The following PAEP variants were observed in gnomAD, a reference collection of about 807,000 sequenced individuals.
PAEP encodes the protein glycodelin.
PAEP carries 28 observed loss-of-function variants against 23.0 expected under a neutral mutation model. The observed-to-expected ratio is 1.22, with a 90% CI of 0.90 to 1.67. PAEP has a LOEUF of 1.67. Ranked by LOEUF, PAEP falls within the 40% of genes most tolerant of loss-of-function variation. The probability of loss-of-function intolerance (pLI) is 0.00; values close to 1 mark genes in which losing one functional copy is unlikely to be tolerated. For synonymous variants in PAEP, 103 were observed against 92.4 expected, an observed-to-expected ratio of 1.12 and a Z score of -0.66; for missense variants, 209 against 226.4, an observed-to-expected ratio of 0.92 and a Z score of 0.49.
intron 3 of PAEP, 107 bp from the exon 4 acceptor site, chr9:135,564,137 A>G (rs1402465951): frequency 1.4e-6 from 2 of 1,467,552 alleles, no homozygotes; most frequent in Admixed American, 4.2e-5. Context: ...CCATGGTGTC[A>G]GTGGATGAGG....
At chr9:135,561,932 G>T in intron 1 of PAEP, 35 bp downstream of exon 1, 25 of 1,413,250 alleles carry the variant, frequency 1.8e-5, no homozygotes, top group Non-Finnish European at 2.3e-5. Flanking sequence ...TTTACTGTGG[G>T]AGGCCTGGGG....
chr9:135,562,093 A>G (rs1832324556), intron 1 of PAEP, among the ~76,000 whole-genome samples, 196 bp downstream of exon 1: 1 of 152,132 alleles, frequency 6.6e-6, no homozygotes, highest in Non-Finnish European at 1.5e-5. Context: ...GTGACTCATT[A>G]TTTGGACTTT....
intron 3 of PAEP, among the ~76,000 whole-genome samples, chr9:135,563,286 G>A (rs1218431706): frequency 1.3e-5 from 2 of 151,664 alleles, no homozygotes; most frequent in Non-Finnish European, 2.9e-5. Flanking sequence ...AGGTGAACAG[G>A]TGGGTAGGTG....
rs199763575 is a variant in PAEP at position 135,564,404 on chromosome 9, G to T, written c.421+50G>T. 1.6e-4 allele frequency: 254 copies of T among 1,543,330 alleles called. 1 individual carries two copies. The East Asian group carries it at 3.4e-3, about 21-fold the overall frequency. The stretch of plus-strand genomic sequence containing the variant: ...AACGTGGGTGAGAGGCAGCAGCTAC[G>T]TCCGTGGCTGGGAACCCTGGGGAGC... On this transcript the variant is annotated intron_variant, in intron 4 of 6. Transcript: ENST00000479141.
intron 2 of PAEP, 109 bp from the exon 3 acceptor site, chr9:135,562,711 C>T (rs1416494444): frequency 1.8e-5 from 17 of 947,416 alleles, no homozygotes; most frequent in Middle Eastern, 2.2e-4. Context: ...CTGCGGGCTG[C>T]GGTGCTCCTT....
At chr9:135,566,121 T>A in intron 6 of PAEP, 1 of 362,398 alleles carries the variant, frequency 2.8e-6, no homozygotes, top group Non-Finnish European at 5.0e-6. Context: ...GATGGTTACA[T>A]GGAAGGGCAT....
intron 1 of PAEP, 68 bp downstream of exon 1, chr9:135,561,965 A>T (rs697448): frequency 9.2e-7 from 1 of 1,085,810 alleles, no homozygotes; most frequent in East Asian, 2.6e-5. Flanking sequence ...GCGGGCAGGC[A>T]GGAAGCCCAG....
chr9:135,562,960 G>A (rs3748209), intron 3 of PAEP, 67 bp downstream of exon 3: 115,240 of 1,274,792 alleles, frequency 0.09, 13,601 homozygotes, highest in East Asian at 0.5. Context: ...CCCAGAGGCG[G>A]CTCTGCTGGG....
At chr9:135,565,897 G>A (rs1012705921) in intron 6 of PAEP, 96 bp downstream of exon 6, 6 of 1,347,808 alleles carry the variant, frequency 4.5e-6, no homozygotes, top group Non-Finnish European at 6.4e-6. Context: ...ACCCTACTGT[G>A]TCCAGTTCAG....
intron 5 of PAEP, 72 bp downstream of exon 5, chr9:135,565,586 G>C (rs1425902850): frequency 1.4e-6 from 2 of 1,471,234 alleles, no homozygotes; most frequent in South Asian, 2.3e-5. Context: ...CGAGCCCCCT[G>C]CTGGCTCTGC....
chr9:135,565,399 C>T lies in PAEP; in HGVS notation c.422-11C>T. 1.2e-6 allele frequency: 2 copies of T among 1,611,296 alleles called. No individual in the cohort carries two copies. Among genetic ancestry groups the T allele is most frequent in the Non-Finnish European group, 1.7e-6 (2 of 1,177,366 alleles). Reference sequence around the variant, plus strand: ...CCCAGGGGCCCAGGACTGACCCAGCCTCTTCCACAGCCAGAGTCCTGGTGG... The same window carrying T: ...CCCAGGGGCCCAGGACTGACCCAGCTTCTTCCACAGCCAGAGTCCTGGTGG... On this transcript the variant is annotated splice_polypyrimidine_tract_variant and intron_variant, in intron 4 of 6. Coordinates refer to ENST00000479141, the MANE Select transcript of PAEP (RefSeq NM_002571.4).
chr9:135,564,481 C>G (rs1832486085), intron 4 of PAEP, 127 bp downstream of exon 4: 1 of 1,463,834 alleles, frequency 6.8e-7, no homozygotes. Context: ...CTTTTTTTTT[C>G]TTGGTTTTTT....
At chr9:135,564,711 G>A (rs545049707) in intron 4 of PAEP, 2 of 722,144 alleles carry the variant, frequency 2.8e-6, no homozygotes, top group East Asian at 2.6e-4. Context: ...CACCATGTTG[G>A]CCAGGCTGGT....
rs1168751794 is a variant in PAEP at position 135,561,810 on chromosome 9, C to T, written c.9C>T (p.Cys3=). The part of the protein sequence containing the change: ML[C]LLLTLGVALV... ...CACCCACAGCCGCAGCCATGCTGTG[C>T]CTCCTGCTCACCCTGGGCGTGGCCC... The change falls in exon 1 of 7, where the codon TGC becomes TGT. Residue 3 remains cysteine, a synonymous_variant. Coordinates refer to ENST00000479141, the MANE Select transcript of PAEP (RefSeq NM_002571.4). 1.3e-6 allele frequency: 2 copies of T among 1,552,614 alleles called. No individual in the cohort carries two copies. Among genetic ancestry groups the T allele is most frequent in the Non-Finnish European group, 8.7e-7 (1 of 1,147,142 alleles).
chr9:135,565,465 G>T lies in PAEP; in HGVS notation c.477G>T (p.Arg159Ser). The change falls in exon 5 of 7, where the codon AGG becomes AGT. Residue 159 changes from arginine to serine, a missense_variant. Transcript: ENST00000479141. ...TGCAGGGATTCATCAGGGCTTTCAG[G>T]CCCCTGCCCAGGCACCTATGGTACT... ...EIMQGFIRAF[R>S]PLPRHLWYLL... The T allele has an allele frequency of 1.2e-6, 2 of 1,614,224 alleles. No individual in the cohort carries two copies. Among genetic ancestry groups the T allele is most frequent in the Non-Finnish European group, 1.7e-6 (2 of 1,180,032 alleles).
At chr9:135,565,111 A>G (rs1331744042) in intron 4 of PAEP, among the ~76,000 whole-genome samples, 1 of 152,210 alleles carries the variant, frequency 6.6e-6, no homozygotes, top group African/African-American at 2.4e-5. Context: ...TGGGAGAGCC[A>G]GGCACTGTGC....
At chr9:135,565,944 G>A in intron 6 of PAEP, 143 bp downstream of exon 6, 1 of 912,126 alleles carries the variant, frequency 1.1e-6, no homozygotes, top group South Asian at 1.4e-5. Context: ...GTCTGGTCTT[G>A]TGATTCCAGA....
chr9:135,563,462 G>A (rs1303860211), intron 3 of PAEP, among the ~76,000 whole-genome samples: 5 of 149,726 alleles, frequency 3.3e-5, no homozygotes, highest in Non-Finnish European at 7.4e-5. Context: ...GGGTGAACAG[G>A]TGGCCAGGTG....
In PAEP at chr9:135,563,512, G is replaced by A. The variant is rs879803326; in HGVS notation, c.310+619G>A. Among the ~76,000 whole-genome samples the A allele has an allele frequency of 6.4e-3, 957 of 150,084 alleles. 7 individuals carry two copies. The highest frequency in any genetic ancestry group is 0.016 in the African/African-American group (632 of 40,646). ...TGGGCAGGTGGGTAGGTGAACAGGT[G>A]GGCAGGTGGGCAGGTGGGCAGGTGG... On this transcript the variant is annotated intron_variant, in intron 3 of 6. Coordinates refer to ENST00000479141, the MANE Select transcript of PAEP (RefSeq NM_002571.4).
Sources: gnomAD v4.1 joint callset for allele counts (sites outside exome capture counted in the v4.1 genomes callset) on GRCh38, gnomAD v4.1.1 for gene constraint, MANE v1.5 for transcripts, NCBI Gene and HGNC (gene_info 2026-07-23, HGNC 2026-07-21) for gene names.